PTCHD4: variants seen among roughly 807,000 people sequenced by gnomAD.
The protein encoded by PTCHD4 is patched domain containing 4.
PTCHD4 carries 33 observed loss-of-function variants against 58.1 expected under a neutral mutation model. That is an observed-to-expected ratio of 0.57 (90% CI 0.43 to 0.76). The LOEUF is 0.76. Among genes scored for constraint, PTCHD4 ranks in the 30% least tolerant of loss-of-function variants. PTCHD4 has a pLI of 0.00. For synonymous variants in PTCHD4, 478 were observed against 409.6 expected, an observed-to-expected ratio of 1.17 and a Z score of -2.02; for missense variants, 1,058 against 1,027.1, an observed-to-expected ratio of 1.03 and a Z score of -0.41.
At chr6:47,895,366 C>T (rs1764501668) in intron 4 of PTCHD4, among the ~76,000 whole-genome samples, 1 of 152,014 alleles carries the variant, frequency 6.6e-6, no homozygotes, top group Non-Finnish European at 1.5e-5. Flanking sequence ...TCTTTTCAGA[C>T]CATATTCACT....
At chr6:47,904,662 G>C (rs1290965232) in intron 4 of PTCHD4, among the ~76,000 whole-genome samples, 1 of 152,084 alleles carries the variant, frequency 6.6e-6, no homozygotes, top group African/African-American at 2.4e-5. Context: ...ATTATTTCTG[G>C]GTTGTAGTGA....
At chr6:48,074,072 CT>C (rs1765019624) in intron 1 of PTCHD4, among the ~76,000 whole-genome samples, 1 of 151,850 alleles carries the variant, frequency 6.6e-6, no homozygotes, top group Admixed American at 6.6e-5. Flanking sequence ...AGAAGATGCT[CT>C]TTGACCTTCT....
chr6:48,020,938 C>A (rs1383922736), intron 3 of PTCHD4, among the ~76,000 whole-genome samples: 1 of 151,940 alleles, frequency 6.6e-6, no homozygotes, highest in Non-Finnish European at 1.5e-5. Flanking sequence ...GACTCACCAA[C>A]AAAAATAACA....
At chr6:48,092,791 G>T (rs1325269150) in intron 1 of PTCHD4, among the ~76,000 whole-genome samples, 2 of 152,298 alleles carry the variant, frequency 1.3e-5, no homozygotes, top group South Asian at 4.1e-4. Flanking sequence ...TCCCTAGCAT[G>T]GGAATGGGTC....
chr6:47,999,310 T>G (rs1049909239), intron 4 of PTCHD4, among the ~76,000 whole-genome samples: 1 of 152,170 alleles, frequency 6.6e-6, no homozygotes, highest in African/African-American at 2.4e-5. Context: ...TATTTTCACA[T>G]CATTGGCCAG....
At chr6:48,079,117 CAAAAAA>C (rs398001467) in intron 1 of PTCHD4, among the ~76,000 whole-genome samples, 1 of 73,190 alleles carries the variant, frequency 1.4e-5, no homozygotes, top group Non-Finnish European at 3.0e-5. Flanking sequence ...AATTCCATCA[CAAAAAA>C]AAAAAAAAAA....
At chr6:47,890,717 G>T (rs183425477) in intron 4 of PTCHD4, among the ~76,000 whole-genome samples, 23 of 152,146 alleles carry the variant, frequency 1.5e-4, no homozygotes, top group Middle Eastern at 3.4e-3. Context: ...GCTTTGTAAG[G>T]GGGGGGATTC....
At chr6:48,109,031 T>A (rs1318608514) in intron 1 of PTCHD4, among the ~76,000 whole-genome samples, 1 of 152,076 alleles carries the variant, frequency 6.6e-6, no homozygotes, top group East Asian at 1.9e-4. Context: ...AATGAAATAA[T>A]CATTTTCTAG....
chr6:48,039,648 A>T (rs778437385), intron 3 of PTCHD4, among the ~76,000 whole-genome samples: 14 of 152,140 alleles, frequency 9.2e-5, no homozygotes, highest in Non-Finnish European at 1.3e-4. Flanking sequence ...TTCTCATGGT[A>T]TTACTGTGGA....
rs187408285 is a variant in PTCHD4 at position 48,041,020 on chromosome 6, C to T, written c.417+27210G>A. Among the ~76,000 whole-genome samples, 469 of 152,048 alleles carry T rather than the reference C, an allele frequency of 3.1e-3. 2 individuals are homozygous for T. The highest frequency in any genetic ancestry group is 0.011 in the African/African-American group (445 of 41,508). On this transcript the variant is annotated intron_variant, in intron 3 of 4. Transcript: ENST00000339488. ...ATCCATGGTAATGATTACGGCAGTT[C>T]CATTTTGAATATCATGTTTTAACTA... is the stretch of plus-strand genomic sequence containing the variant.
rs934263353 is a variant in PTCHD4, at chr6:47,871,393, G to C, written c.*6910C>G. On this transcript the variant is annotated 3_prime_UTR_variant, in exon 5 of 5. Coordinates refer to ENST00000339488, the MANE Select transcript of PTCHD4 (RefSeq NM_001384253.1). Reference sequence around the variant, plus strand: ...GAAAAGTGATAAGTGAAATGCACTTGGAATTTTTCTGAAGTTATTCACAGA... The same window carrying C: ...GAAAAGTGATAAGTGAAATGCACTTCGAATTTTTCTGAAGTTATTCACAGA... Among the ~76,000 whole-genome samples, 2 of 151,556 alleles carry C rather than the reference G, an allele frequency of 1.3e-5. No individual in the cohort carries two copies. The highest frequency in any genetic ancestry group is 2.4e-5 in the African/African-American group (1 of 41,324).
In PTCHD4 at chr6:47,879,245, G is replaced by A. The variant is rs745532050; in HGVS notation, c.1590C>T (p.Ser530=). ...VYEPLEYWNS[S]VQDDLRRLCS... is the part of the protein sequence containing the mutation. ...AGAGTCTTCTTAGGTCATCCTGGACGCTGCTGTTCCAGTACTCTAGGGGCT... is the reference window on the plus strand; with the variant it reads ...AGAGTCTTCTTAGGTCATCCTGGACACTGCTGTTCCAGTACTCTAGGGGCT... Residue 530 remains serine, a synonymous_variant, in exon 5 of 5, where the codon AGC becomes AGT. Transcript: ENST00000339488. The A allele has an allele frequency of 4.3e-6, 7 of 1,612,600 alleles. No individual in the cohort carries two copies. The East Asian group carries it at 8.9e-5, about 21-fold the overall frequency.
Position 47,863,038 on chromosome 6 carries a change from G to A in PTCHD4, c.*15265C>T, listed in dbSNP as rs1365362209. On this transcript the variant is annotated 3_prime_UTR_variant, in exon 5 of 5. Transcript: ENST00000339488. ...CCATTTTAATTTCAAGTAGCATTTC[G>A]TGATAATATAGGAACAAAAAGATCT... Among the ~76,000 whole-genome samples the A allele has an allele frequency of 1.3e-5, 2 of 151,830 alleles. No individual in the cohort carries two copies. The highest frequency in any genetic ancestry group is 2.9e-5 in the Non-Finnish European group (2 of 67,860).
At chr6:48,088,713 C>T (rs1215105268) in intron 1 of PTCHD4, among the ~76,000 whole-genome samples, 1 of 152,124 alleles carries the variant, frequency 6.6e-6, no homozygotes, top group Non-Finnish European at 1.5e-5. Flanking sequence ...TCTCTTTTCT[C>T]CTGTCACATA....
Position 48,068,110 on chromosome 6 carries a change from G to T in PTCHD4, c.417+120C>A. On this transcript the variant is annotated intron_variant, in intron 3 of 4. Transcript: ENST00000339488. This position sits in a 1 kb window ranked among gnomAD's most constrained non-coding sequence, Gnocchi z 4.2. ...GCACCCTGGCTGTTGTCTTATTGGA[G>T]ACGGCAGCCTGCCTGAGATCCTCTA... 2 of 1,106,846 alleles carry T rather than the reference G, an allele frequency of 1.8e-6. No individual in the cohort carries two copies. Among genetic ancestry groups the T allele is most frequent in the Non-Finnish European group, 2.6e-6 (2 of 774,696 alleles). The allele number at this position is 1,106,846 out of a possible 1,614,324, so 68.6% of individuals were successfully genotyped here.
intron 4 of PTCHD4, among the ~76,000 whole-genome samples, chr6:47,943,988 T>C (rs952590090): frequency 3.9e-5 from 6 of 152,100 alleles, no homozygotes; most frequent in Non-Finnish European, 8.8e-5. Flanking sequence ...CCAGAAATGA[T>C]CAATCTTCAG....
In PTCHD4 at chr6:48,058,168, A is replaced by G. The variant is rs150606483; in HGVS notation, c.417+10062T>C. On this transcript the variant is annotated intron_variant, in intron 3 of 4. Transcript: ENST00000339488. ...AATCAGTATTTTTAAAGCTCCACTA[A>G]TGATTTCTACACTCAGCCAAGACTG... Among the ~76,000 whole-genome samples, 317 of 152,316 alleles carry G rather than the reference A, an allele frequency of 2.1e-3. 1 individual carries two copies. Among genetic ancestry groups the G allele is most frequent in the African/African-American group, 6.5e-3 (269 of 41,574 alleles).
At chr6:48,003,355 A>G (rs182371692) in intron 4 of PTCHD4, among the ~76,000 whole-genome samples, 2 of 152,242 alleles carry the variant, frequency 1.3e-5, no homozygotes, top group African/African-American at 4.8e-5. Flanking sequence ...TGACTTCACT[A>G]CTGCAGTAAA....
At chr6:47,974,945 A>G (rs1222075424) in intron 4 of PTCHD4, among the ~76,000 whole-genome samples, 1 of 152,150 alleles carries the variant, frequency 6.6e-6, no homozygotes, top group Non-Finnish European at 1.5e-5. Flanking sequence ...TTTTCATTCA[A>G]TGACTGTTTA....
Sources: gnomAD v4.1 joint callset for allele counts (sites outside exome capture counted in the v4.1 genomes callset) on GRCh38, gnomAD v4.1.1 for gene constraint, Gnocchi (gnomAD v3.1) non-coding constraint, MANE v1.5 for transcripts, NCBI Gene and HGNC (gene_info 2026-07-23, HGNC 2026-07-21) for gene names.